The following CABIN1 variants were observed in gnomAD, a reference collection of about 807,000 sequenced individuals.
The protein encoded by CABIN1 is calcineurin binding protein 1.
Under a neutral mutation model 227.7 loss-of-function variants are expected in CABIN1, and 133 were observed. That is an observed-to-expected ratio of 0.58 (90% CI 0.51 to 0.67). CABIN1 has a LOEUF of 0.67. Among genes scored for constraint, CABIN1 ranks in the 30% least tolerant of loss-of-function variants. The pLI is 0.00. For synonymous variants in CABIN1, 1,086 were observed against 1,155.1 expected (o/e 0.94, Z 1.21); for missense variants, 2,408 against 2,852.5 (o/e 0.84, Z 3.55).
chr22:24,098,291 G>T (rs2042014208), intron 26 of CABIN1, 99 bp downstream of exon 26: 4 of 1,563,894 alleles, frequency 2.6e-6, no homozygotes. Flanking sequence ...TGGTGAGGGG[G>T]GGTGCTGGGT....
chr22:24,035,641 C>G, intron 2 of CABIN1, 121 bp downstream of exon 2: 19 of 1,266,152 alleles, frequency 1.5e-5, no homozygotes, highest in Non-Finnish European at 2.1e-5. Flanking sequence ...AGCCTTCCTC[C>G]CAGGAAGGCT....
intron 24 of CABIN1, among the ~76,000 whole-genome samples, chr22:24,092,871 A>G (rs1184083528): frequency 6.6e-6 from 1 of 152,128 alleles, no homozygotes; most frequent in Non-Finnish European, 1.5e-5. Flanking sequence ...ACATATAGTA[A>G]CATTTTCTTA....
At chr22:24,088,646 G>A in intron 23 of CABIN1, among the ~76,000 whole-genome samples, 1 of 152,130 alleles carries the variant, frequency 6.6e-6, no homozygotes, top group East Asian at 1.9e-4. Context: ...AAGGGACACA[G>A]GCTTCTCTAA....
At chr22:24,109,404 G>A (rs1312564227) in intron 26 of CABIN1, among the ~76,000 whole-genome samples, 1 of 150,804 alleles carries the variant, frequency 6.6e-6, no homozygotes, top group Admixed American at 6.6e-5. Flanking sequence ...TTGTACAGAC[G>A]GGCATCTCCG....
At chr22:24,111,057 G>C (rs1482841705) in intron 26 of CABIN1, among the ~76,000 whole-genome samples, 2 of 152,100 alleles carry the variant, frequency 1.3e-5, no homozygotes, top group Admixed American at 1.3e-4. Context: ...TCATTTGGAT[G>C]CTCTGTTCTG....
intron 1 of CABIN1, among the ~76,000 whole-genome samples, chr22:24,018,726 G>GC (rs1325311578): frequency 2.7e-5 from 4 of 150,354 alleles, no homozygotes; most frequent in Non-Finnish European, 5.9e-5. Flanking sequence ...CCCCCTTACA[G>GC]TTTTTTTTTC....
chr22:24,049,165 A>C lies in CABIN1; in HGVS notation c.601A>C (p.Ile201Leu). 6.2e-7 allele frequency: 1 copy of C among 1,614,116 alleles called. No individual in the cohort carries two copies. The highest frequency in any genetic ancestry group is 1.1e-5 in the South Asian group (1 of 91,072). Reference protein sequence around the residue: ...YSKGLVLKEKIFEEQPCLRKD... With the variant: ...YSKGLVLKEKLFEEQPCLRKD... ...CAAAGGGCTGGTCCTCAAGGAGAAG[A>C]TTTTTGAGGAGCAGCCTTGTCTCCG... Residue 201 changes from isoleucine to leucine, a missense_variant, in exon 7 of 37, where the codon ATT becomes CTT. Physicochemically the swap from Ile to Leu is conservative, Grantham distance 5 (BLOSUM62 2). Around this residue, in one of 3 missense-constraint regions of CABIN1, gnomAD observed 1,045 missense variants for 1,168.4 expected, o/e 0.89. Coordinates refer to ENST00000263119, the MANE Select transcript of CABIN1 (RefSeq NM_012295.4).
At position 24,130,770 on chromosome 22, in the gene CABIN1, C is replaced by T. The variant is rs118143704; in HGVS notation, c.4633-3532C>T. ...TAAGGGCCCCCATAAGCTGTCTGGA[C>T]ACTTTGTGCCTTAGCATTGATCAGC... On this transcript the variant is annotated intron_variant, in intron 28 of 36. Transcript: ENST00000263119. 2.3e-3 allele frequency among the ~76,000 whole-genome samples: 353 copies of T among 152,314 alleles called. 4 individuals carry two copies. Among genetic ancestry groups the T allele is most frequent in the Admixed American group, 3.9e-3 (59 of 15,304 alleles).
At chr22:24,163,816 G>A (rs1413280391) in intron 29 of CABIN1, among the ~76,000 whole-genome samples, 1 of 152,210 alleles carries the variant, frequency 6.6e-6, no homozygotes, top group Non-Finnish European at 1.5e-5. Flanking sequence ...ATAATGGGGG[G>A]TGCTCCCCAA....
chr22:24,167,703 GC>G (rs1047241603), intron 32 of CABIN1, among the ~76,000 whole-genome samples: 13 of 152,122 alleles, frequency 8.5e-5, no homozygotes, highest in Admixed American at 7.2e-4. Context: ...AATGTATCAA[GC>G]ACTTTCCTTT....
intron 3 of CABIN1, among the ~76,000 whole-genome samples, chr22:24,037,761 A>G (rs1295458424): frequency 1.3e-5 from 2 of 152,142 alleles, no homozygotes; most frequent in Non-Finnish European, 2.9e-5. Context: ...CAGACTCCAC[A>G]GCACTAACAG....
At chr22:24,095,407 A>G (rs1295652928) in intron 24 of CABIN1, among the ~76,000 whole-genome samples, 2 of 152,148 alleles carry the variant, frequency 1.3e-5, no homozygotes, top group Non-Finnish European at 2.9e-5. Context: ...AATGGATGCA[A>G]TGAGCTGCCT....
chr22:24,068,999 G>T (rs756717818), intron 16 of CABIN1, among the ~76,000 whole-genome samples: 14 of 152,254 alleles, frequency 9.2e-5, no homozygotes, highest in Non-Finnish European at 1.9e-4. Context: ...GATAAAAAGA[G>T]TATTTGCTTT....
chr22:24,058,178 C>T (rs1398628413), intron 10 of CABIN1, among the ~76,000 whole-genome samples: 1 of 152,088 alleles, frequency 6.6e-6, no homozygotes, highest in Admixed American at 6.6e-5. Flanking sequence ...ACCACTATGC[C>T]CAGCTAATTT....
intron 29 of CABIN1, among the ~76,000 whole-genome samples, chr22:24,153,730 G>A (rs563869707): frequency 6.6e-6 from 1 of 152,296 alleles, no homozygotes; most frequent in Admixed American, 6.5e-5. Context: ...ATCGTGTGGT[G>A]CTGGGAGGGG....
At chr22:24,074,010 G>T (rs530788601) in intron 18 of CABIN1, among the ~76,000 whole-genome samples, 174 of 13,948 alleles carry the variant, frequency 0.012, no homozygotes, top group Admixed American at 0.059. Context: ...CTTTTTGCTT[G>T]TACCCAATTT....
chr22:24,109,496 A>G (rs2042696402), intron 26 of CABIN1, among the ~76,000 whole-genome samples: 2 of 152,006 alleles, frequency 1.3e-5, no homozygotes, highest in Non-Finnish European at 2.9e-5. Context: ...GACTACAGGC[A>G]TGAGCCACCC....
At chr22:24,058,370 C>T (rs1034931433) in intron 10 of CABIN1, among the ~76,000 whole-genome samples, 7 of 152,194 alleles carry the variant, frequency 4.6e-5, no homozygotes, top group South Asian at 2.1e-4. Context: ...CATGGTAGCT[C>T]GCCTGATGGA....
intron 29 of CABIN1, among the ~76,000 whole-genome samples, chr22:24,149,732 G>A (rs991634192): frequency 4.6e-5 from 7 of 152,212 alleles, no homozygotes; most frequent in African/African-American, 1.7e-4. Flanking sequence ...AAACTCCCTT[G>A]CTGCATAGGG....
Sources: allele counts gnomAD v4.1 joint callset (sites outside exome capture counted in the v4.1 genomes callset), GRCh38; gene constraint gnomAD v4.1.1; regional missense constraint gnomAD v4.1.1; transcripts MANE v1.5; gene names NCBI Gene and HGNC (gene_info 2026-07-23, HGNC 2026-07-21).